The following ESYT2 variants were observed in gnomAD, a reference collection of about 807,000 sequenced individuals.
ESYT2 encodes extended synaptotagmin-2.
ESYT2 carries 54 observed loss-of-function variants against 107.2 expected under a neutral mutation model. That is an observed-to-expected ratio of 0.50 (90% CI 0.40 to 0.63). ESYT2 has a LOEUF of 0.63. Ranked by LOEUF, ESYT2 falls within the 30% of genes least tolerant of loss-of-function variation. The probability of loss-of-function intolerance (pLI) is 0.00; values close to 1 mark genes in which losing one functional copy is unlikely to be tolerated. For synonymous variants in ESYT2, 491 were observed against 434.1 expected, an observed-to-expected ratio of 1.13 and a Z score of -1.63; for missense variants, 1,020 against 1,094.5, an observed-to-expected ratio of 0.93 and a Z score of 0.96.
intron 1 of ESYT2, among the ~76,000 whole-genome samples, chr7:158,820,320 A>G (rs1840255551): frequency 6.6e-6 from 1 of 152,246 alleles, no homozygotes; most frequent in South Asian, 2.1e-4. Flanking sequence ...TAGCAACAAT[A>G]TAATATATTC....
chr7:158,742,147 C>T (rs1216116325), intron 17 of ESYT2, among the ~76,000 whole-genome samples: 1 of 152,200 alleles, frequency 6.6e-6, no homozygotes, highest in Admixed American at 6.5e-5. Context: ...GGGTGACCAT[C>T]GCGCACTACA....
chr7:158,812,677 A>G (rs1840022924), intron 1 of ESYT2, among the ~76,000 whole-genome samples: 1 of 152,250 alleles, frequency 6.6e-6, no homozygotes, highest in Non-Finnish European at 1.5e-5. Flanking sequence ...AAAACAGCCA[A>G]AAGGTGGAAA....
chr7:158,826,035 C>CA (rs1238526429), intron 1 of ESYT2, among the ~76,000 whole-genome samples: 17 of 142,052 alleles, frequency 1.2e-4, no homozygotes, highest in Non-Finnish European at 1.5e-5. Flanking sequence ...AAAAAAAAAA[C>CA]AAAAACAAAC....
chr7:158,797,664 G>A (rs2788502), intron 3 of ESYT2, among the ~76,000 whole-genome samples: 118,890 of 151,710 alleles, frequency 0.78, 48,019 homozygotes, highest in Non-Finnish European at 0.89. Context: ...GACCATCCTG[G>A]TAACATGGTG....
intron 1 of ESYT2, among the ~76,000 whole-genome samples, chr7:158,804,896 T>C (rs562497137): frequency 1.1e-4 from 16 of 152,268 alleles, no homozygotes; most frequent in African/African-American, 3.9e-4. Flanking sequence ...TGTCCTGCAC[T>C]GGAGGGAAGA....
intron 15 of ESYT2, among the ~76,000 whole-genome samples, chr7:158,748,808 C>A (rs1382922051): frequency 6.6e-6 from 1 of 151,900 alleles, no homozygotes; most frequent in Non-Finnish European, 1.5e-5. Context: ...CAACCTCCAC[C>A]TTCCGGGTTC....
chr7:158,773,539 G>T, intron 6 of ESYT2, 143 bp from the exon 7 acceptor site: 1 of 683,874 alleles, frequency 1.5e-6, no homozygotes, highest in South Asian at 2.2e-5. Flanking sequence ...AATATACCAA[G>T]GACATTTTTC....
chr7:158,829,198 C>T lies in ESYT2; in HGVS notation c.221G>A (p.Arg74His). The T allele has an allele frequency of 6.5e-7, 1 of 1,531,760 alleles. No homozygotes were observed. 94.9% of individuals were successfully genotyped at this position (1,531,760 alleles called of 1,614,324 possible). Reference sequence around the variant, plus strand: ...CAGGGCCTTGAGGCCGCGGCTGCGGCGACACCAGGCGAGCAGCGCGAGCGC... The same window carrying T: ...CAGGGCCTTGAGGCCGCGGCTGCGGTGACACCAGGCGAGCAGCGCGAGCGC... ...LLALALLAWC[R>H]RSRGLKALRL... Residue 74 changes from arginine (R) to histidine (H), a missense_variant, in exon 1 of 23, where the codon CGC becomes CAC. By Grantham distance (29) the Arg-to-His change is conservative. Coordinates refer to ENST00000275418, the MANE Select transcript of ESYT2 (RefSeq NM_001367773.1).
In ESYT2 at chr7:158,797,933, A is replaced by C; in HGVS notation, c.507+9T>G. The C allele has an allele frequency of 6.2e-7, 1 of 1,613,374 alleles. No individual in the cohort carries two copies. The highest frequency in any genetic ancestry group is 2.2e-5 in the East Asian group (1 of 44,872). On this transcript the variant is annotated intron_variant, in intron 3 of 22. Coordinates refer to ENST00000275418, the MANE Select transcript of ESYT2 (RefSeq NM_001367773.1). ...GTGTGCACGTGAGGATACTTAAGAGAACACTGACCTGCTGGCCCACGTCGA... is the reference window on the plus strand; with the variant it reads ...GTGTGCACGTGAGGATACTTAAGAGCACACTGACCTGCTGGCCCACGTCGA...
intron 8 of ESYT2, among the ~76,000 whole-genome samples, chr7:158,766,873 G>A (rs774269102): frequency 6.6e-6 from 1 of 152,202 alleles, no homozygotes; most frequent in Non-Finnish European, 1.5e-5. Context: ...ACACCTGAGT[G>A]ACTGAAAAGC....
rs1458262503 is a variant in ESYT2, at chr7:158,737,172, T to C, written c.2275A>G (p.Ile759Val). ...IVVVHACRNL[I>V]AFSEDGSDPY... Reference sequence around the variant, plus strand: ...TCAGAGCCGTCTTCAGAGAAGGCAATGAGGTTTCTTACAACACAAACCAGA... The same window carrying C: ...TCAGAGCCGTCTTCAGAGAAGGCAACGAGGTTTCTTACAACACAAACCAGA... The change falls in exon 20 of 23, where the codon ATT becomes GTT. Residue 759 changes from isoleucine to valine, a missense_variant. Physicochemically the swap from Ile to Val is conservative, Grantham distance 29 (BLOSUM62 3). Coordinates refer to ENST00000275418, the MANE Select transcript of ESYT2 (RefSeq NM_001367773.1). 2 of 1,613,694 alleles carry C rather than the reference T, an allele frequency of 1.2e-6. No individual in the cohort carries two copies. Among genetic ancestry groups the C allele is most frequent in the East Asian group, 2.2e-5 (1 of 44,862 alleles).
chr7:158,814,559 C>T (rs1370189919), intron 1 of ESYT2, among the ~76,000 whole-genome samples: 1 of 152,090 alleles, frequency 6.6e-6, no homozygotes. Flanking sequence ...AAATATATCA[C>T]AGTCTGGCTG....
At chr7:158,777,014 A>T (rs1838592238) in intron 6 of ESYT2, among the ~76,000 whole-genome samples, 2 of 151,460 alleles carry the variant, frequency 1.3e-5, no homozygotes, top group South Asian at 4.2e-4. Flanking sequence ...TACTACGCCC[A>T]GCTAATTTTT....
chr7:158,807,781 A>G (rs763549848), intron 1 of ESYT2, among the ~76,000 whole-genome samples: 31 of 152,232 alleles, frequency 2.0e-4, no homozygotes, highest in Non-Finnish European at 3.8e-4. Flanking sequence ...AAAGAACTTT[A>G]ATATGGTCAC....
At chr7:158,797,221 A>C in intron 3 of ESYT2, among the ~76,000 whole-genome samples, 1 of 152,186 alleles carries the variant, frequency 6.6e-6, no homozygotes, top group Non-Finnish European at 1.5e-5. Context: ...ATCATGGCTC[A>C]CTGCACTCTC....
rs183456716 is a variant in ESYT2 at position 158,826,563 on chromosome 7, C to T, written c.330+2526G>A. ...TCAGGCTGGGCGCAGTGGCTCACAC[C>T]TGTAATCCCAGCACTTTAGGAGGCT... On this transcript the variant is annotated intron_variant, in intron 1 of 22. Transcript: ENST00000275418. Among the ~76,000 whole-genome samples, 211 of 151,600 alleles carry T rather than the reference C, an allele frequency of 1.4e-3. 2 individuals carry two copies. Among genetic ancestry groups the T allele is most frequent in the South Asian group, 0.01 (50 of 4,806 alleles).
chr7:158,769,800 T>C (rs1356057539), intron 7 of ESYT2, among the ~76,000 whole-genome samples: 1 of 152,224 alleles, frequency 6.6e-6, no homozygotes, highest in Non-Finnish European at 1.5e-5. Context: ...GCATTATTCT[T>C]ACTCTATAAT....
chr7:158,822,040 T>C (rs1472216285), intron 1 of ESYT2, among the ~76,000 whole-genome samples: 1 of 151,972 alleles, frequency 6.6e-6, no homozygotes, highest in Non-Finnish European at 1.5e-5. Context: ...AGAGTGTAAA[T>C]ATGAAGACAG....
intron 6 of ESYT2, among the ~76,000 whole-genome samples, chr7:158,782,211 G>A (rs1270642948): frequency 7.1e-6 from 1 of 141,176 alleles, no homozygotes; most frequent in East Asian, 2.0e-4. Context: ...AAGTGTGAAC[G>A]TGTGAGAACA....
Sources: allele counts gnomAD v4.1 joint callset (sites outside exome capture counted in the v4.1 genomes callset), GRCh38; gene constraint gnomAD v4.1.1; transcripts MANE v1.5; gene names NCBI Gene and HGNC (gene_info 2026-07-23, HGNC 2026-07-21).